Variants in SLC25A48 observed in about 807,000 individuals in gnomAD.
SLC25A48 encodes solute carrier family 25 member 48, also known as CTC-321K16.1.
A neutral mutation model predicts 32.2 loss-of-function variants in SLC25A48; 29 were observed. The ratio of observed to expected loss-of-function variants is 0.90; its 90% CI spans 0.67 to 1.23. The LOEUF is 1.23. Among genes scored for constraint, SLC25A48 ranks in the 50% most tolerant of loss-of-function variants. The probability of loss-of-function intolerance (pLI) is 0.00; values close to 1 mark genes in which losing one functional copy is unlikely to be tolerated. For missense variants in SLC25A48, 399 were observed against 422.7 expected (o/e 0.94, Z 0.49); for synonymous variants, 164 against 172.3 (o/e 0.95, Z 0.38).
intron 3 of SLC25A48, among the ~76,000 whole-genome samples, chr5:135,734,694 G>A (rs1481478238): frequency 4.6e-5 from 7 of 152,040 alleles, no homozygotes; most frequent in African/African-American, 1.7e-4. Context: ...GCAGGTGCCT[G>A]TAGTCCCAGC....
chr5:135,717,436 G>A (rs1329713196), intron 3 of SLC25A48, among the ~76,000 whole-genome samples: 6 of 152,180 alleles, frequency 3.9e-5, no homozygotes, highest in East Asian at 3.9e-4. Flanking sequence ...GTGGTGGACC[G>A]AATTTGCCCC....
chr5:135,874,764 G>A (rs1201318516), intron 6 of SLC25A48: 1 of 693,238 alleles, frequency 1.4e-6, no homozygotes, highest in Non-Finnish European at 2.6e-6. Flanking sequence ...CTGAAAAGGT[G>A]CTGCCCCAGG....
At chr5:135,728,387 G>T (rs1403540969) in intron 3 of SLC25A48, among the ~76,000 whole-genome samples, 1 of 151,822 alleles carries the variant, frequency 6.6e-6, no homozygotes, top group Non-Finnish European at 1.5e-5. Flanking sequence ...AACCTATATA[G>T]ACTGCTTTAT....
At position 135,764,531 on chromosome 5, in the gene SLC25A48, G is replaced by A. The variant is rs201897474; in HGVS notation, c.-520-47992G>A. 2.0e-4 allele frequency among the ~76,000 whole-genome samples: 31 copies of A among 151,814 alleles called. No homozygotes were observed. In the East Asian group the frequency reaches 5.7e-3, roughly 28 times the overall value. ...GGTGATATTACCCCTAATATCACGGGGAGTGTGATATTGTTCGTAATATCC... is the reference window on the plus strand; with the variant it reads ...GGTGATATTACCCCTAATATCACGGAGAGTGTGATATTGTTCGTAATATCC... On this transcript the variant is annotated intron_variant, in intron 3 of 10. Transcript: ENST00000646290.
chr5:135,628,696 C>T (rs571370995), intron 1 of SLC25A48, among the ~76,000 whole-genome samples: 4 of 152,178 alleles, frequency 2.6e-5, no homozygotes, highest in African/African-American at 9.6e-5. Flanking sequence ...AGGATGGAAA[C>T]GCCTTCACCA....
At chr5:135,839,952 G>T (rs4254897) in intron 1 of SLC25A48, among the ~76,000 whole-genome samples, 2 of 152,064 alleles carry the variant, frequency 1.3e-5, no homozygotes, top group Admixed American at 1.3e-4. Context: ...AGCTATGTGG[G>T]ACTGTAAGTT....
In SLC25A48 at chr5:135,818,183, C is replaced by T. The variant is rs952781469; in HGVS notation, c.-117+5257C>T. ...AAGGCACATTCTAATTACACAACAG[C>T]AATGCAGTGGTGGCAAAAGGATGGC... On this transcript the variant is annotated intron_variant, in intron 4 of 10. Coordinates refer to the SLC25A48 transcript ENST00000646290. 2.0e-5 allele frequency among the ~76,000 whole-genome samples: 3 copies of T among 150,572 alleles called. No homozygotes were observed. In the Admixed American group the frequency reaches 2.0e-4, roughly 10 times the overall value.
intron 3 of SLC25A48, among the ~76,000 whole-genome samples, chr5:135,766,664 TC>T (rs34909711): frequency 0.3 from 45,187 of 150,158 alleles, 6,929 homozygotes; most frequent in East Asian, 0.45. Context: ...GTGATATTAC[TC>T]CCCCATATCA....
intron 1 of SLC25A48, among the ~76,000 whole-genome samples, chr5:135,615,393 T>C (rs1752162639): frequency 6.6e-6 from 1 of 152,202 alleles, no homozygotes; most frequent in Admixed American, 6.5e-5. Context: ...ACTTTTGTTA[T>C]GTGTTAACAA....
chr5:135,724,445 C>T (rs1176175716), intron 3 of SLC25A48, among the ~76,000 whole-genome samples: 1 of 152,228 alleles, frequency 6.6e-6, no homozygotes, highest in Admixed American at 6.5e-5. Flanking sequence ...GCCTTTCCTG[C>T]AGGGTAGAGT....
At chr5:135,719,218 C>T (rs1216031998) in intron 3 of SLC25A48, among the ~76,000 whole-genome samples, 1 of 152,140 alleles carries the variant, frequency 6.6e-6, no homozygotes, top group Non-Finnish European at 1.5e-5. Context: ...GTTGAAGAGC[C>T]TGCGTTTACA....
chr5:135,885,144 G>A (rs1762669601), intron 7 of SLC25A48, among the ~76,000 whole-genome samples: 1 of 152,138 alleles, frequency 6.6e-6, no homozygotes, highest in African/African-American at 2.4e-5. Context: ...GGACACATAA[G>A]TATGGCGTCT....
intron 3 of SLC25A48, among the ~76,000 whole-genome samples, chr5:135,638,633 T>C (rs968870522): frequency 3.3e-5 from 5 of 152,196 alleles, no homozygotes; most frequent in Admixed American, 6.5e-5. Context: ...TCCCCAGGGA[T>C]AGGATGAAAG....
chr5:135,680,149 A>T (rs1342611424), intron 3 of SLC25A48, among the ~76,000 whole-genome samples: 1 of 152,042 alleles, frequency 6.6e-6, no homozygotes, highest in South Asian at 2.1e-4. Context: ...TCTTTCTTAG[A>T]TGGTCCATTT....
intron 1 of SLC25A48, among the ~76,000 whole-genome samples, chr5:135,603,061 T>A (rs917349919): frequency 6.6e-6 from 1 of 152,134 alleles, no homozygotes; most frequent in Non-Finnish European, 1.5e-5. Flanking sequence ...TGTGCGCACG[T>A]CGGTTCCTTT....
At chr5:135,601,392 G>A (rs1751792574) in intron 1 of SLC25A48, among the ~76,000 whole-genome samples, 1 of 152,066 alleles carries the variant, frequency 6.6e-6, no homozygotes, top group African/African-American at 2.4e-5. Flanking sequence ...TGCCATCCTG[G>A]GGAATCTGGC....
chr5:135,764,276 A>G lies in SLC25A48; in HGVS notation c.-520-48247A>G, dbSNP rs767628467. ...GGATTTAACATGGTTCGTATTAACC[A>G]CAGAAAAACATAGTAATATTACTCC... On this transcript the variant is annotated intron_variant, in intron 3 of 10. Transcript: ENST00000646290. Among the ~76,000 whole-genome samples the G allele has an allele frequency of 2.9e-4, 44 of 151,948 alleles. 1 individual carries two copies. Among genetic ancestry groups the G allele is most frequent in the Non-Finnish European group, 5.6e-4 (38 of 67,954 alleles).
chr5:135,768,752 T>G (rs1301730505), intron 3 of SLC25A48, among the ~76,000 whole-genome samples: 1 of 151,792 alleles, frequency 6.6e-6, no homozygotes, highest in Non-Finnish European at 1.5e-5. Context: ...AGGATGATAT[T>G]ACTCTCAATA....
At position 135,769,193 on chromosome 5, in the gene SLC25A48, G is replaced by T. The variant is rs1421420309; in HGVS notation, c.-520-43330G>T. ...ATATTGTTCATAATATTTATGGGGG[G>T]AAAGGAAAATATTACTCCTAATATT... On this transcript the variant is annotated intron_variant, in intron 3 of 10. Coordinates refer to the SLC25A48 transcript ENST00000646290. 2.3e-5 allele frequency among the ~76,000 whole-genome samples: 3 copies of T among 131,700 alleles called. No homozygotes were observed. In the South Asian group the frequency reaches 7.6e-4, roughly 33 times the overall value. 86.4% of individuals were successfully genotyped at this position (131,700 alleles called of 152,430 possible). A position where few individuals can be genotyped will look rare whatever the true frequency, so the allele number is the denominator to read the frequency against.
Sources: gnomAD v4.1 joint callset for allele counts (sites outside exome capture counted in the v4.1 genomes callset) on GRCh38, gnomAD v4.1.1 for gene constraint, MANE v1.5 for transcripts, NCBI Gene and HGNC (gene_info 2026-07-23, HGNC 2026-07-21) for gene names.